The following RPGRIP1L variants were observed in gnomAD, a reference collection of about 807,000 sequenced individuals.
RPGRIP1L encodes the protein RPGRIP1 like, also known as protein fantom.
Under a neutral mutation model 160.4 loss-of-function variants are expected in RPGRIP1L, and 131 were observed. That is an observed-to-expected ratio of 0.82 (90% CI 0.71 to 0.94). The LOEUF (loss-of-function observed/expected upper bound fraction) is 0.94, where lower values mean the gene tolerates loss of function less well. Ranked by LOEUF, RPGRIP1L falls within the 40% of genes least tolerant of loss-of-function variation. RPGRIP1L has a pLI of 0.00. For synonymous variants in RPGRIP1L, 510 were observed against 515.8 expected (o/e 0.99, Z 0.15); for missense variants, 1,522 against 1,535.8 (o/e 0.99, Z 0.15).
chr16:53,636,348 T>C (rs762740718), intron 22 of RPGRIP1L, 91 bp downstream of exon 22: 49 of 938,024 alleles, frequency 5.2e-5, no homozygotes, highest in Non-Finnish European at 8.4e-5. Context: ...ATAGTTTTCC[T>C]TAAGATTTTT....
At chr16:53,625,115 A>T (rs891580900) in intron 22 of RPGRIP1L, among the ~76,000 whole-genome samples, 1 of 152,072 alleles carries the variant, frequency 6.6e-6, no homozygotes, top group Non-Finnish European at 1.5e-5. Context: ...GGCTCGCTAC[A>T]ACCTCCACCT....
chr16:53,608,423 G>A (rs1313584382), intron 25 of RPGRIP1L, among the ~76,000 whole-genome samples: 1 of 152,046 alleles, frequency 6.6e-6, no homozygotes, highest in Admixed American at 6.6e-5. Context: ...CTCAGGGGTG[G>A]ATCTGTTCAA....
chr16:53,658,371 T>C (rs1280438400), intron 12 of RPGRIP1L, 43 bp downstream of exon 12: 4 of 1,413,974 alleles, frequency 2.8e-6, no homozygotes, highest in South Asian at 1.2e-5. Flanking sequence ...GCTGAAACAG[T>C]TGTATGCAGA....
In RPGRIP1L at chr16:53,664,950, T is replaced by C. The variant is rs181526554; in HGVS notation, c.1163A>G (p.Gln388Arg). Reference protein sequence around the residue: ...WKLKEQQLKVQIAQLETALKS... With the variant: ...WKLKEQQLKVRIAQLETALKS... The stretch of plus-strand genomic sequence containing the variant: ...CAAGGCAGTCTCGAGCTGAGCAATC[T>C]GCACTTTCAGCTGTTGCTCCTTTAA... The change falls in exon 10 of 27, where the codon CAG becomes CGG. Residue 388 changes from glutamine to arginine, a missense_variant. Gln to Arg is a conservative substitution (Grantham distance 43). Transcript: ENST00000647211. 3.1e-6 allele frequency: 5 copies of C among 1,613,484 alleles called. No homozygotes were observed. Among genetic ancestry groups the C allele is most frequent in the Non-Finnish European group, 4.2e-6 (5 of 1,179,832 alleles).
intron 25 of RPGRIP1L, among the ~76,000 whole-genome samples, chr16:53,605,887 G>A (rs888167192): frequency 6.6e-6 from 1 of 152,120 alleles, no homozygotes; most frequent in Non-Finnish European, 1.5e-5. Context: ...CAAAGAGAAG[G>A]ACCAGATGTT....
At chr16:53,694,387 A>C (rs1970594861) in intron 3 of RPGRIP1L, 2 of 149,412 alleles carry the variant, frequency 1.3e-5, no homozygotes, top group South Asian at 4.3e-4. Context: ...CAGTGAGCCG[A>C]GATCTTACCA....
chr16:53,682,508 G>A (rs896446637), intron 6 of RPGRIP1L, among the ~76,000 whole-genome samples: 1 of 152,104 alleles, frequency 6.6e-6, no homozygotes, highest in Non-Finnish European at 1.5e-5. Flanking sequence ...GTTAACACTA[G>A]CTCCTAAATG....
chr16:53,668,482 A>G (rs1386003496), intron 9 of RPGRIP1L, among the ~76,000 whole-genome samples: 1 of 152,166 alleles, frequency 6.6e-6, no homozygotes, highest in Non-Finnish European at 1.5e-5. Context: ...ATTTTTTTGG[A>G]CCCAGTCTCA....
chr16:53,653,624 C>A (rs1177983966), intron 14 of RPGRIP1L: 1 of 152,366 alleles, frequency 6.6e-6, no homozygotes, highest in East Asian at 1.9e-4. Flanking sequence ...ATGACAATCT[C>A]CCATTAGTGA....
Position 53,601,180 on chromosome 16 carries a change from C to G in RPGRIP1L, c.*896G>C, listed in dbSNP as rs1963362642. The G allele has an allele frequency of 6.6e-6, 1 of 152,476 alleles. No homozygotes were observed. The highest frequency in any genetic ancestry group is 6.6e-5 in the Admixed American group (1 of 15,252). 9.4% of individuals were successfully genotyped at this position (152,476 alleles called of 1,614,324 possible). ...CGAGGATCTGGTTACCCAGATACAC[C>G]CTGGCACTGTACTGGCTTGATGTAA... On this transcript the variant is annotated 3_prime_UTR_variant, in exon 27 of 27. Transcript: ENST00000647211.
rs1383552660 is a variant in RPGRIP1L, at chr16:53,600,924, G to A, written c.*1152C>T. The A allele has an allele frequency of 1.3e-5, 2 of 152,538 alleles. No individual in the cohort carries two copies. The highest frequency in any genetic ancestry group is 4.8e-5 in the African/African-American group (2 of 41,414). 9.4% of individuals were successfully genotyped at this position (152,538 alleles called of 1,614,324 possible). A position where few individuals can be genotyped will look rare whatever the true frequency, so the allele number is the denominator to read the frequency against. Reference sequence around the variant, plus strand: ...TTATCTCCCTGAATACTTTACATATGCTTAAGAAGGAACATAGCCTGTTTG... The same window carrying A: ...TTATCTCCCTGAATACTTTACATATACTTAAGAAGGAACATAGCCTGTTTG... On this transcript the variant is annotated 3_prime_UTR_variant, in exon 27 of 27. Coordinates refer to ENST00000647211, the MANE Select transcript of RPGRIP1L (RefSeq NM_015272.5).
intron 24 of RPGRIP1L, among the ~76,000 whole-genome samples, chr16:53,612,719 A>ATT (rs111978555): frequency 1.3e-5 from 2 of 152,138 alleles, no homozygotes; most frequent in East Asian, 3.8e-4. Context: ...AGCTTAAATC[A>ATT]TTTTTTTATT....
chr16:53,689,701 C>T (rs576429159), intron 4 of RPGRIP1L, among the ~76,000 whole-genome samples: 8 of 152,242 alleles, frequency 5.3e-5, no homozygotes, highest in South Asian at 4.1e-4. Flanking sequence ...TGACAAGTCT[C>T]GCCTGTCTCA....
At chr16:53,672,295 AT>A (rs1968798885) in intron 8 of RPGRIP1L, among the ~76,000 whole-genome samples, 1 of 152,024 alleles carries the variant, frequency 6.6e-6, no homozygotes, top group Admixed American at 6.6e-5. Context: ...CATTTTCAGA[AT>A]TCTCTTTTGA....
At chr16:53,658,551 CA>C in intron 11 of RPGRIP1L, 87 bp from the exon 12 acceptor site, 1 of 1,084,256 alleles carries the variant, frequency 9.2e-7, no homozygotes, top group Non-Finnish European at 1.4e-6. Flanking sequence ...CCCCATGAAA[CA>C]TAAACTGACT....
intron 4 of RPGRIP1L, among the ~76,000 whole-genome samples, chr16:53,689,943 T>C (rs546679268): frequency 7.2e-4 from 110 of 152,324 alleles, no homozygotes; most frequent in African/African-American, 2.6e-3. Context: ...TGCTGATCTG[T>C]GGCTCTTAAT....
chr16:53,665,034 G>A (rs767426211), intron 9 of RPGRIP1L, 25 bp from the exon 10 acceptor site: 1 of 1,612,730 alleles, frequency 6.2e-7, no homozygotes, highest in South Asian at 1.1e-5. Context: ...TGACATGCAA[G>A]GAAAGCTTGG....
intron 22 of RPGRIP1L, chr16:53,628,895 TA>T (rs1175936361): frequency 1.1e-4 from 17 of 152,180 alleles, no homozygotes; most frequent in Non-Finnish European, 2.2e-4. Flanking sequence ...TGATTTGGAT[TA>T]TTTTTTTCCT....
intron 16 of RPGRIP1L, among the ~76,000 whole-genome samples, chr16:53,648,428 A>G (rs1037032506): frequency 2.0e-5 from 3 of 152,210 alleles, no homozygotes; most frequent in African/African-American, 7.2e-5. Flanking sequence ...AGAAATTTTT[A>G]ACAAAAGTCT....
Sources: gnomAD v4.1 joint callset for allele counts (sites outside exome capture counted in the v4.1 genomes callset) on GRCh38, gnomAD v4.1.1 for gene constraint, MANE v1.5 for transcripts, NCBI Gene and HGNC (gene_info 2026-07-23, HGNC 2026-07-21) for gene names.